Variants in AGBL1 observed in about 807,000 individuals in gnomAD.
AGBL1 encodes the protein cytosolic carboxypeptidase 4.
A neutral mutation model predicts 118.9 loss-of-function variants in AGBL1; 130 were observed. The observed-to-expected ratio is 1.09, with a 90% CI of 0.95 to 1.26. The LOEUF (loss-of-function observed/expected upper bound fraction) is 1.26, where lower values mean the gene tolerates loss of function less well. Ranked by LOEUF, AGBL1 falls within the 50% of genes most tolerant of loss-of-function variation. AGBL1 has a pLI of 0.00. For missense variants in AGBL1, 1,584 were observed against 1,298.1 expected (o/e 1.22, Z -3.38); for synonymous variants, 555 against 478.9 (o/e 1.16, Z -2.08).
intron 18 of AGBL1, among the ~76,000 whole-genome samples, chr15:86,463,327 T>C (rs952719605): frequency 6.6e-5 from 10 of 152,012 alleles, no homozygotes; most frequent in Admixed American, 2.0e-4. Context: ...TCCTTATAGA[T>C]TCTGGATATT....
intron 17 of AGBL1, among the ~76,000 whole-genome samples, chr15:86,327,967 G>A (rs2080209791): frequency 6.6e-6 from 1 of 152,186 alleles, no homozygotes; most frequent in Non-Finnish European, 1.5e-5. Context: ...TGGCTTCATA[G>A]TTATGTGGAC....
At chr15:86,646,106 C>G (rs2085274966) in intron 21 of AGBL1, among the ~76,000 whole-genome samples, 1 of 152,098 alleles carries the variant, frequency 6.6e-6, no homozygotes, top group African/African-American at 2.4e-5. Flanking sequence ...TGTTTATTTC[C>G]CCGTCTTACA....
intron 22 of AGBL1, among the ~76,000 whole-genome samples, chr15:86,852,276 T>TGA (rs1430764110): frequency 6.6e-6 from 1 of 152,108 alleles, no homozygotes; most frequent in African/African-American, 2.4e-5. Context: ...TCAGGTCCTG[T>TGA]GAGAACTCAC....
intron 1 of AGBL1, among the ~76,000 whole-genome samples, chr15:86,124,411 C>T (rs1898290509): frequency 6.6e-6 from 1 of 151,512 alleles, no homozygotes; most frequent in African/African-American, 2.4e-5. Flanking sequence ...GTACCAATGT[C>T]AGTTTTTTAG....
upstream of AGBL1, chr15:86,079,861 G>A: frequency 2.8e-6 from 2 of 704,592 alleles, no homozygotes; most frequent in Non-Finnish European, 4.0e-6. Flanking sequence ...TGCAGCTGAG[G>A]CCTCCGGGCA....
At chr15:86,968,561 C>A (rs1234330616) in intron 23 of AGBL1, among the ~76,000 whole-genome samples, 1 of 151,676 alleles carries the variant, frequency 6.6e-6, no homozygotes, top group African/African-American at 2.4e-5. Flanking sequence ...GATCTTAGGC[C>A]CCGTGACTAC....
intron 18 of AGBL1, among the ~76,000 whole-genome samples, chr15:86,405,155 ACTAT>A (rs2081506393): frequency 6.6e-6 from 1 of 152,124 alleles, no homozygotes; most frequent in African/African-American, 2.4e-5. Context: ...TATATAATTG[ACTAT>A]CTAAGTGTTA....
At chr15:86,746,679 T>G (rs2077761526) in intron 22 of AGBL1, among the ~76,000 whole-genome samples, 1 of 152,054 alleles carries the variant, frequency 6.6e-6, no homozygotes. Context: ...ATTGGATGTT[T>G]TGTGAACACA....
rs954826359 is a variant in AGBL1 at position 86,423,722 on chromosome 15, A to G, written c.2555+26176A>G. On this transcript the variant is annotated intron_variant, in intron 18 of 22. Transcript: ENST00000614907. ...ACAAAATCAATGTGTGAAAATCACA[A>G]ACATTCCTATACACCAATAACAGAC... Among the ~76,000 whole-genome samples the G allele has an allele frequency of 2.0e-5, 3 of 152,336 alleles. No individual in the cohort carries two copies. The East Asian group carries it at 5.8e-4, about 29-fold the overall frequency.
rs2078742171 is a variant in AGBL1 at position 86,247,658 on chromosome 15, C to T, written c.527-13C>T. ...GAGCCTGTGACTGACCCTGCCTTTC[C>T]CTTTGTTTTCAGAGTCGAACGGCCG... On this transcript the variant is annotated splice_polypyrimidine_tract_variant and intron_variant, in intron 6 of 22. Transcript: ENST00000614907. The T allele has an allele frequency of 1.3e-6, 2 of 1,587,078 alleles. No individual in the cohort carries two copies. Among genetic ancestry groups the T allele is most frequent in the Non-Finnish European group, 1.7e-6 (2 of 1,166,696 alleles).
intron 22 of AGBL1, among the ~76,000 whole-genome samples, chr15:86,776,120 G>A (rs578018903): frequency 3.1e-4 from 47 of 152,212 alleles, no homozygotes; most frequent in African/African-American, 1.1e-3. Context: ...AACATGTTGC[G>A]CTTGAGATTT....
chr15:86,107,860 T>C (rs2141526257), intron 1 of AGBL1, among the ~76,000 whole-genome samples: 1 of 152,308 alleles, frequency 6.6e-6, no homozygotes, highest in East Asian at 1.9e-4. Flanking sequence ...AGAGAGCTTC[T>C]CAAAGCCTGG....
chr15:86,795,886 G>A (rs1029592208), intron 22 of AGBL1, among the ~76,000 whole-genome samples: 22 of 151,414 alleles, frequency 1.5e-4, no homozygotes, highest in Middle Eastern at 3.4e-3. Context: ...CTGCCTGGCC[G>A]GTTTCTGCTT....
chr15:86,493,492 G>A (rs1672938560), intron 18 of AGBL1, among the ~76,000 whole-genome samples: 1 of 152,026 alleles, frequency 6.6e-6, no homozygotes, highest in Non-Finnish European at 1.5e-5. Context: ...AAGGACAGTG[G>A]CATCATTTAC....
chr15:86,104,502 T>C (rs1158612219), intron 1 of AGBL1, among the ~76,000 whole-genome samples: 2 of 152,176 alleles, frequency 1.3e-5, no homozygotes, highest in Non-Finnish European at 2.9e-5. Context: ...GCTTGTGCTT[T>C]GGCCCTGGGT....
At chr15:86,787,815 A>C (rs916745539) in intron 22 of AGBL1, among the ~76,000 whole-genome samples, 1 of 152,206 alleles carries the variant, frequency 6.6e-6, no homozygotes, top group Non-Finnish European at 1.5e-5. Flanking sequence ...GTTTGTGGTC[A>C]CTTAGGTTTC....
intron 22 of AGBL1, among the ~76,000 whole-genome samples, chr15:86,746,840 A>C (rs1335347133): frequency 6.6e-6 from 1 of 152,088 alleles, no homozygotes; most frequent in Non-Finnish European, 1.5e-5. Context: ...ACACACAAAC[A>C]ATATAACTAT....
intron 23 of AGBL1, among the ~76,000 whole-genome samples, chr15:86,952,575 G>A (rs1774412549): frequency 6.6e-6 from 1 of 151,982 alleles, no homozygotes; most frequent in South Asian, 2.1e-4. Context: ...TATAGATTCT[G>A]GATGTTCGAA....
In AGBL1 at chr15:86,247,651, G is replaced by C. The variant is rs192822448; in HGVS notation, c.527-20G>C. 1.9e-6 allele frequency: 3 copies of C among 1,578,988 alleles called. No homozygotes were observed. The highest frequency in any genetic ancestry group is 1.8e-5 in the Admixed American group (1 of 54,206). On this transcript the variant is annotated intron_variant, in intron 6 of 22. Coordinates refer to ENST00000614907, the MANE Select transcript of AGBL1 (RefSeq NM_001386094.1). Reference sequence around the variant, plus strand: ...CTGTGGAGAGCCTGTGACTGACCCTGCCTTTCCCTTTGTTTTCAGAGTCGA... The same window carrying C: ...CTGTGGAGAGCCTGTGACTGACCCTCCCTTTCCCTTTGTTTTCAGAGTCGA...
Sources: gnomAD v4.1 joint callset for allele counts (sites outside exome capture counted in the v4.1 genomes callset) on GRCh38, gnomAD v4.1.1 for gene constraint, MANE v1.5 for transcripts, NCBI Gene and HGNC (gene_info 2026-07-23, HGNC 2026-07-21) for gene names.